CAMSAP1: variants seen among roughly 807,000 people sequenced by gnomAD.
CAMSAP1 encodes the protein calmodulin regulated spectrin associated protein 1.
Under a neutral mutation model 143.5 loss-of-function variants are expected in CAMSAP1, and 58 were observed. The observed-to-expected ratio is 0.40, with a 90% confidence interval of 0.33 to 0.50. The LOEUF is 0.50. Ranked by LOEUF, CAMSAP1 falls within the 20% of genes least tolerant of loss-of-function variation. CAMSAP1 has a pLI of 0.45. For synonymous variants in CAMSAP1, 945 were observed against 859.3 expected (o/e 1.10, Z -1.74); for missense variants, 1,969 against 2,115.7 (o/e 0.93, Z 1.36).
At position 135,818,918 on chromosome 9, in the gene CAMSAP1, G is replaced by A; in HGVS notation, c.3959+92C>T. 1 of 1,524,920 alleles carries A rather than the reference G, an allele frequency of 6.6e-7. No individual in the cohort carries two copies. The highest frequency in any genetic ancestry group is 1.2e-5 in the South Asian group (1 of 83,730). 94.5% of individuals were successfully genotyped at this position (1,524,920 alleles called of 1,614,324 possible). A position where few individuals can be genotyped will look rare whatever the true frequency, so the allele number is the denominator to read the frequency against. On this transcript the variant is annotated intron_variant, in intron 12 of 16. Coordinates refer to ENST00000389532, the MANE Select transcript of CAMSAP1 (RefSeq NM_015447.4). The surrounding 1 kb of genome is among the most constrained non-coding windows in gnomAD (Gnocchi z 7.7). ...GACCGTCACAGGCACTCATTGCCAT[G>A]GTCCATGCTCAGTGCCAGCAACGGG...
rs146509078 is a variant in CAMSAP1 at position 135,902,965 on chromosome 9, G to T, written c.160+4035C>A. On this transcript the variant is annotated intron_variant, in intron 1 of 16. Coordinates refer to ENST00000389532, the MANE Select transcript of CAMSAP1 (RefSeq NM_015447.4). ...AACCTGGTTTCCACTGAGCTACACC[G>T]CCGACATCCTTGCAAAGAATTGAGT... is the stretch of plus-strand genomic sequence containing the variant. Among the ~76,000 whole-genome samples, 7 of 152,314 alleles carry T rather than the reference G, an allele frequency of 4.6e-5. No homozygotes were observed. In the East Asian group the frequency reaches 1.2e-3, roughly 25 times the overall value.
chr9:135,902,676 C>T (rs1487527871), intron 1 of CAMSAP1, among the ~76,000 whole-genome samples: 1 of 152,190 alleles, frequency 6.6e-6, no homozygotes, highest in African/African-American at 2.4e-5. Context: ...GGGACTAAAA[C>T]CCAGGCTTCA....
Position 135,822,747 on chromosome 9 carries a change from C to G in CAMSAP1, c.1914G>C (p.Arg638Ser), listed in dbSNP as rs781198511. 6.2e-7 allele frequency: 1 copy of G among 1,613,180 alleles called. No homozygotes were observed. Among genetic ancestry groups the G allele is most frequent in the Admixed American group, 1.7e-5 (1 of 59,922 alleles). ...PSEGPQPLVRRKMTGSRDLNR... is the reference protein window; with the variant it reads ...PSEGPQPLVRSKMTGSRDLNR... ...TCAAGTCGCGACTGCCAGTCATTTT[C>G]CTTCGTACCAAAGGCTGGGGGCCCT... The change falls in exon 11 of 17, where the codon AGG becomes AGC. Residue 638 changes from arginine (R) to serine (S), a missense_variant. Coordinates refer to ENST00000389532, the MANE Select transcript of CAMSAP1 (RefSeq NM_015447.4). This position sits in a 1 kb window ranked among gnomAD's most constrained non-coding sequence, Gnocchi z 6.1.
At chr9:135,877,580 A>T (rs1837797101) in intron 3 of CAMSAP1, among the ~76,000 whole-genome samples, 1 of 152,022 alleles carries the variant, frequency 6.6e-6, no homozygotes, top group Non-Finnish European at 1.5e-5. Flanking sequence ...CCAAGGCAGG[A>T]GAATTGCTTG....
At chr9:135,897,696 C>T (rs889958002) in intron 1 of CAMSAP1, among the ~76,000 whole-genome samples, 3 of 152,038 alleles carry the variant, frequency 2.0e-5, no homozygotes, top group Non-Finnish European at 4.4e-5. Context: ...CAATGACTTA[C>T]GAGAACAGCA....
rs142683253 is a variant in CAMSAP1 at position 135,880,112 on chromosome 9, C to T, written c.585+1521G>A. Among the ~76,000 whole-genome samples the T allele has an allele frequency of 1.4e-3, 220 of 151,964 alleles. 1 individual carries two copies. The highest frequency in any genetic ancestry group is 4.8e-3 in the African/African-American group (199 of 41,456). The stretch of plus-strand genomic sequence containing the variant: ...TTCTATAACTATGTCATTTCTAATA[C>T]GAGGAAAAATCAATAAAAGATATTA... On this transcript the variant is annotated intron_variant, in intron 3 of 16. Transcript: ENST00000389532.
chr9:135,904,459 T>C (rs1838710905), intron 1 of CAMSAP1, among the ~76,000 whole-genome samples: 1 of 143,218 alleles, frequency 7.0e-6, no homozygotes, highest in African/African-American at 2.6e-5. Flanking sequence ...AGCAGGAGGA[T>C]CACTGGAGCC....
At chr9:135,867,186 A>C (rs942200517) in intron 3 of CAMSAP1, among the ~76,000 whole-genome samples, 2 of 152,220 alleles carry the variant, frequency 1.3e-5, no homozygotes, top group African/African-American at 4.8e-5. Context: ...GTCATCAAAC[A>C]ACACAGACAA....
At chr9:135,891,411 C>A (rs547811607) in intron 1 of CAMSAP1, among the ~76,000 whole-genome samples, 2 of 152,298 alleles carry the variant, frequency 1.3e-5, no homozygotes, top group African/African-American at 4.8e-5. Flanking sequence ...TATGAGCCTG[C>A]AAGATCTGGG....
intron 3 of CAMSAP1, among the ~76,000 whole-genome samples, chr9:135,868,474 C>G (rs1311973495): frequency 6.6e-6 from 1 of 152,012 alleles, no homozygotes; most frequent in African/African-American, 2.4e-5. Context: ...GAATGTCTGT[C>G]ACTAAAAGAA....
chr9:135,876,577 G>A (rs1837757540), intron 3 of CAMSAP1, among the ~76,000 whole-genome samples: 1 of 152,058 alleles, frequency 6.6e-6, no homozygotes, highest in African/African-American at 2.4e-5. Flanking sequence ...TATCTTGCTA[G>A]CGGGAGTTCT....
intron 5 of CAMSAP1, among the ~76,000 whole-genome samples, chr9:135,856,052 C>CA (rs1836957803): frequency 6.6e-6 from 1 of 151,556 alleles, no homozygotes; most frequent in African/African-American, 2.4e-5. Context: ...ACTCCAGTCT[C>CA]AAAAAACACA....
rs141836707 is a variant in CAMSAP1 at position 135,876,567 on chromosome 9, T to TC, written c.585+5065_585+5066insG. ...AACAAGTGTAGAGCAACCGGAATCC[T>TC]ATCTTGCTAGCGGGAGTTCTAAATG... On this transcript the variant is annotated intron_variant, in intron 3 of 16. Transcript: ENST00000389532. Among the ~76,000 whole-genome samples, 79 of 152,246 alleles carry TC rather than the reference T, an allele frequency of 5.2e-4. No homozygotes were observed. In the East Asian group the frequency reaches 0.014, roughly 27 times the overall value.
intron 7 of CAMSAP1, among the ~76,000 whole-genome samples, chr9:135,837,137 A>G (rs559333152): frequency 6.8e-6 from 1 of 147,962 alleles, no homozygotes; most frequent in South Asian, 2.2e-4. Context: ...CTACAGACAC[A>G]CATCATCATG....
At chr9:135,816,906 C>T (rs187888074) in intron 14 of CAMSAP1, among the ~76,000 whole-genome samples, 14 of 152,310 alleles carry the variant, frequency 9.2e-5, no homozygotes, top group Admixed American at 6.5e-4. Context: ...CAGTCCCCAG[C>T]CTCTCTCCTG....
chr9:135,881,598 C>T lies in CAMSAP1; in HGVS notation c.585+35G>A, dbSNP rs1204507684. ...GTGAAAAGGAGACCGGCCACAGAAG[C>T]AGAGTCACACACCACATCTAGGCAG... On this transcript the variant is annotated intron_variant, in intron 3 of 16. Transcript: ENST00000389532. 3 of 1,549,226 alleles carry T rather than the reference C, an allele frequency of 1.9e-6. No individual in the cohort carries two copies. In the African/African-American group the frequency reaches 4.1e-5, roughly 21 times the overall value.
At chr9:135,906,917 C>G in intron 1 of CAMSAP1, 83 bp downstream of exon 1, 1 of 808,666 alleles carries the variant, frequency 1.2e-6, no homozygotes, top group Non-Finnish European at 1.5e-6. Flanking sequence ...GCGCGCGGAC[C>G]CCGACCCGGC....
rs113455852 is a variant in CAMSAP1 at position 135,810,913 on chromosome 9, G to A, written c.*396C>T. On this transcript the variant is annotated 3_prime_UTR_variant, in exon 17 of 17. Transcript: ENST00000389532. Reference sequence around the variant, plus strand: ...GGTGTCAGGCAATGTGCAAGGGGGCGAGGTGAGAAGCAAGAAAGCAAAGTG... The same window carrying A: ...GGTGTCAGGCAATGTGCAAGGGGGCAAGGTGAGAAGCAAGAAAGCAAAGTG... The A allele has an allele frequency of 2.8e-3, 604 of 217,734 alleles. 3 individuals are homozygous for A. The highest frequency in any genetic ancestry group is 0.011 in the Middle Eastern group (6 of 558). The allele number at this position is 217,734 out of a possible 1,614,324, so 13.5% of individuals were successfully genotyped here.
At chr9:135,840,644 T>C (rs1364342295) in intron 7 of CAMSAP1, among the ~76,000 whole-genome samples, 1 of 152,132 alleles carries the variant, frequency 6.6e-6, no homozygotes, top group African/African-American at 2.4e-5. Context: ...AGGCGGGTGA[T>C]TTCTACATTT....
Sources: gnomAD v4.1 joint callset for allele counts (sites outside exome capture counted in the v4.1 genomes callset) on GRCh38, gnomAD v4.1.1 for gene constraint, Gnocchi (gnomAD v3.1) non-coding constraint, MANE v1.5 for transcripts, NCBI Gene and HGNC (gene_info 2026-07-23, HGNC 2026-07-21) for gene names.